The following MYO3B variants were observed in gnomAD, a reference collection of about 807,000 sequenced individuals.
MYO3B encodes the protein myosin-IIIb.
A neutral mutation model predicts 174.6 loss-of-function variants in MYO3B; 156 were observed. The observed-to-expected ratio is 0.89, with a 90% CI of 0.78 to 1.02. MYO3B has a LOEUF of 1.02. MYO3B is among the 50% of genes least tolerant of loss of function. The pLI, the probability that MYO3B is intolerant of heterozygous loss-of-function variation, is 0.00. For missense variants in MYO3B, 1,632 were observed against 1,639.4 expected (o/e 1.00, Z 0.08); for synonymous variants, 563 against 569.1 (o/e 0.99, Z 0.15).
chr2:170,222,805 T>C (rs1395655659), intron 6 of MYO3B, among the ~76,000 whole-genome samples: 1 of 152,186 alleles, frequency 6.6e-6, no homozygotes, highest in African/African-American at 2.4e-5. Context: ...AGCTCCCAAA[T>C]ACTAATATTT....
At chr2:170,626,258 T>C (rs188817605) in intron 32 of MYO3B, among the ~76,000 whole-genome samples, 42 of 152,342 alleles carry the variant, frequency 2.8e-4, no homozygotes, top group Middle Eastern at 3.4e-3. Flanking sequence ...TGCATATATA[T>C]TTAGGATAGT....
At chr2:170,525,429 T>C (rs914111099) in intron 30 of MYO3B, among the ~76,000 whole-genome samples, 1 of 152,212 alleles carries the variant, frequency 6.6e-6, no homozygotes, top group Non-Finnish European at 1.5e-5. Context: ...TAATTTGGCC[T>C]GCATATGGCA....
At chr2:170,353,312 T>C (rs2094091521) in intron 8 of MYO3B, among the ~76,000 whole-genome samples, 1 of 151,864 alleles carries the variant, frequency 6.6e-6, no homozygotes, top group African/African-American at 2.4e-5. Flanking sequence ...ATCTGAAGAG[T>C]CTATATACTG....
intron 22 of MYO3B, chr2:170,412,556 T>TG (rs2094552595): frequency 6.6e-6 from 1 of 152,168 alleles, no homozygotes; most frequent in Non-Finnish European, 1.5e-5. Context: ...TTTTTTTGGA[T>TG]GGGGGAGACA....
chr2:170,499,926 C>T (rs1687141250), intron 27 of MYO3B, 118 bp downstream of exon 27: 1 of 746,654 alleles, frequency 1.3e-6, no homozygotes, highest in Non-Finnish European at 2.1e-6. Context: ...TTCTCCCCTC[C>T]CTCCCTCCCT....
rs1331334030 is a variant in MYO3B at position 170,236,049 on chromosome 2, C to T, written c.662C>T (p.Ser221Phe). The T allele has an allele frequency of 1.2e-6, 2 of 1,613,818 alleles. No individual in the cohort carries two copies. The highest frequency in any genetic ancestry group is 1.6e-4 in the Middle Eastern group (1 of 6,084). The stretch of plus-strand genomic sequence containing the variant: ...TATGACGCTCGCTGTGACGTCTGGT[C>T]CTTGGGGATCACAGCTATTGAACTG... ...SSYDARCDVW[S>F]LGITAIELGD... is the part of the protein sequence containing the mutation. Residue 221 changes from serine (S) to phenylalanine (F), a missense_variant, in exon 7 of 35, where the codon TCC becomes TTC. Transcript: ENST00000408978.
At chr2:170,462,376 C>T (rs1684346992) in intron 23 of MYO3B, among the ~76,000 whole-genome samples, 1 of 152,178 alleles carries the variant, frequency 6.6e-6, no homozygotes, top group Admixed American at 6.5e-5. Context: ...TTTCTTTACC[C>T]ATCCCAGATG....
At chr2:170,249,399 T>C (rs2093227249) in intron 7 of MYO3B, among the ~76,000 whole-genome samples, 1 of 152,176 alleles carries the variant, frequency 6.6e-6, no homozygotes. Context: ...CAAACCTAAC[T>C]CTTTTGGCCT....
chr2:170,471,718 G>T (rs1285618208), intron 25 of MYO3B, among the ~76,000 whole-genome samples: 3 of 152,020 alleles, frequency 2.0e-5, no homozygotes, highest in Non-Finnish European at 2.9e-5. Context: ...AGGCCGGGGC[G>T]CAGTGGCTCA....
At chr2:170,500,758 T>G (rs923042453) in intron 27 of MYO3B, among the ~76,000 whole-genome samples, 1 of 152,168 alleles carries the variant, frequency 6.6e-6, no homozygotes, top group Non-Finnish European at 1.5e-5. Flanking sequence ...AGGTCTGTGG[T>G]CAGGTGTTCA....
At chr2:170,501,200 C>T (rs1052473935) in intron 27 of MYO3B, among the ~76,000 whole-genome samples, 5 of 152,110 alleles carry the variant, frequency 3.3e-5, no homozygotes, top group African/African-American at 4.8e-5. Flanking sequence ...TTTTCTTCAC[C>T]TTTCTTCCCT....
intron 7 of MYO3B, among the ~76,000 whole-genome samples, chr2:170,327,666 C>G (rs898848276): frequency 6.6e-6 from 1 of 151,958 alleles, no homozygotes; most frequent in East Asian, 1.9e-4. Context: ...TGGGAGGTGC[C>G]TTTGTGGTGG....
At chr2:170,329,940 A>G (rs1361882672) in intron 7 of MYO3B, among the ~76,000 whole-genome samples, 1 of 152,172 alleles carries the variant, frequency 6.6e-6, no homozygotes, top group Non-Finnish European at 1.5e-5. Flanking sequence ...ACAGTTAATT[A>G]CACTCAAATG....
chr2:170,624,226 G>C (rs79187527), intron 32 of MYO3B, among the ~76,000 whole-genome samples: 19,609 of 152,184 alleles, frequency 0.13, 1,443 homozygotes, highest in East Asian at 0.31. Flanking sequence ...TCTTCCATTT[G>C]TTTGTGTCCT....
chr2:170,373,380 G>A (rs1024260002), intron 9 of MYO3B, among the ~76,000 whole-genome samples: 6 of 152,210 alleles, frequency 3.9e-5, no homozygotes, highest in African/African-American at 1.4e-4. Flanking sequence ...GTTCTTCAAT[G>A]GTCTAGGCAG....
At chr2:170,279,665 G>A (rs2093491718) in intron 7 of MYO3B, among the ~76,000 whole-genome samples, 1 of 152,006 alleles carries the variant, frequency 6.6e-6, no homozygotes, top group South Asian at 2.1e-4. Context: ...TATTCTTTGT[G>A]TTCATAAGTT....
At chr2:170,499,905 C>A in intron 27 of MYO3B, 97 bp downstream of exon 27, 2 of 977,490 alleles carry the variant, frequency 2.0e-6, no homozygotes, top group South Asian at 1.9e-5. Context: ...TGGTTTCCCT[C>A]CCTCCCTTCC....
At chr2:170,311,129 A>G (rs1019298257) in intron 7 of MYO3B, among the ~76,000 whole-genome samples, 1 of 152,008 alleles carries the variant, frequency 6.6e-6, no homozygotes, top group Non-Finnish European at 1.5e-5. Context: ...AGTTCTTTTC[A>G]CTATATATCT....
chr2:170,496,070 G>A (rs1160489455), intron 25 of MYO3B, among the ~76,000 whole-genome samples: 1 of 152,312 alleles, frequency 6.6e-6, no homozygotes, highest in East Asian at 1.9e-4. Context: ...AGGTTCCTGG[G>A]TTCTGCCAAA....
Sources: gnomAD v4.1 joint callset for allele counts (sites outside exome capture counted in the v4.1 genomes callset) on GRCh38, gnomAD v4.1.1 for gene constraint, MANE v1.5 for transcripts, NCBI Gene and HGNC (gene_info 2026-07-23, HGNC 2026-07-21) for gene names.